Variants in STIM2 observed in about 807,000 individuals in gnomAD.
The protein encoded by STIM2 is stromal interaction molecule 2.
STIM2 carries 31 observed loss-of-function variants against 85.8 expected under a neutral mutation model. The observed-to-expected ratio is 0.36, with a 90% CI of 0.27 to 0.49. The LOEUF is 0.49. Among genes scored for constraint, STIM2 ranks in the 20% least tolerant of loss-of-function variants. The probability of loss-of-function intolerance (pLI) is 0.98; values close to 1 mark genes in which losing one functional copy is unlikely to be tolerated. For missense variants in STIM2, 841 were observed against 927.6 expected (o/e 0.91, Z 1.21); for synonymous variants, 356 against 331.1 (o/e 1.08, Z -0.82).
intron 1 of STIM2, among the ~76,000 whole-genome samples, chr4:26,914,785 G>A (rs114502831): frequency 0.036 from 5,523 of 152,280 alleles, 141 homozygotes; most frequent in South Asian, 0.078. Context: ...TGTTCAAGGG[G>A]AGTGTAAATT....
chr4:27,018,392 A>T (rs1203075410), intron 11 of STIM2, among the ~76,000 whole-genome samples: 1 of 152,014 alleles, frequency 6.6e-6, no homozygotes, highest in Non-Finnish European at 1.5e-5. Flanking sequence ...TTGCCACAGG[A>T]TCTCCCATCT....
intron 10 of STIM2, among the ~76,000 whole-genome samples, chr4:27,017,018 G>T (rs1318683740): frequency 6.6e-6 from 1 of 152,206 alleles, no homozygotes; most frequent in African/African-American, 2.4e-5. Flanking sequence ...TTCAGCTTGA[G>T]AAGGTTGTTA....
intron 2 of STIM2, among the ~76,000 whole-genome samples, chr4:26,921,557 A>G (rs1724797351): frequency 6.6e-6 from 1 of 152,250 alleles, no homozygotes; most frequent in Admixed American, 6.5e-5. Flanking sequence ...TATTTGCAAA[A>G]ACAAGCAGCC....
At chr4:26,906,160 C>T (rs890255551) in intron 1 of STIM2, among the ~76,000 whole-genome samples, 9 of 152,044 alleles carry the variant, frequency 5.9e-5, no homozygotes, top group African/African-American at 2.2e-4. Flanking sequence ...TTACCCTAAG[C>T]GAACTAATAC....
Position 27,008,905 on chromosome 4 carries a change from G to C in STIM2, c.1392G>C (p.Trp464Cys). 6.2e-7 allele frequency: 1 copy of C among 1,614,074 alleles called. No homozygotes were observed. ...CTTCCCTTTATTCTGATCACAGCTG[G>C]GTGGTGATGCCCAGAGTCTCCATTC... The change falls in exon 10 of 12, where the codon TGG becomes TGC. Residue 464 changes from tryptophan to cysteine, a missense_variant. This residue lies in a region of STIM2 where 408 missense variants were observed against 525.4 expected (regional missense o/e 0.78). Transcript: ENST00000467087.
At chr4:26,952,348 G>A (rs1482354311) in intron 2 of STIM2, among the ~76,000 whole-genome samples, 2 of 152,106 alleles carry the variant, frequency 1.3e-5, no homozygotes, top group African/African-American at 2.4e-5. Flanking sequence ...ATCAGCTGGT[G>A]TTTGTAGTAC....
At chr4:26,916,023 T>C (rs141836677) in intron 1 of STIM2, among the ~76,000 whole-genome samples, 1 of 152,336 alleles carries the variant, frequency 6.6e-6, no homozygotes, top group Non-Finnish European at 1.5e-5. Flanking sequence ...GAGAACAATA[T>C]TGGTAGCAGT....
Position 27,008,537 on chromosome 4 carries a change from G to A in STIM2, c.1250+9G>A, listed in dbSNP as rs776340740. The A allele has an allele frequency of 7.7e-6, 12 of 1,559,846 alleles. No individual in the cohort carries two copies. Among genetic ancestry groups the A allele is most frequent in the Non-Finnish European group, 5.2e-6 (6 of 1,148,040 alleles). ...AAAATTCTGGAAGCAAAGTAAGAAT[G>A]TTGTTTTCACTTTTATTTGATTTAT... On this transcript the variant is annotated intron_variant, in intron 9 of 11. Transcript: ENST00000467087.
chr4:27,015,637 G>A (rs1181296484), intron 10 of STIM2, among the ~76,000 whole-genome samples: 1 of 151,882 alleles, frequency 6.6e-6, no homozygotes, highest in South Asian at 2.1e-4. Flanking sequence ...TTTTGAGGTT[G>A]TCATTGTTGC....
intron 1 of STIM2, among the ~76,000 whole-genome samples, chr4:26,867,888 G>C (rs1204744820): frequency 6.6e-6 from 1 of 152,148 alleles, no homozygotes; most frequent in Non-Finnish European, 1.5e-5. Flanking sequence ...TCTTCCTCTA[G>C]TCTAGCTGAA....
rs1729011110 is a variant in STIM2, at chr4:27,024,267, C to T, written c.*1271C>T. On this transcript the variant is annotated 3_prime_UTR_variant, in exon 12 of 12. Transcript: ENST00000467087. ...AGGGTAGCTTTTGTTGTTAAAAAAA[C>T]AGTAGAGAGTTAAGTTCCATATAGC... is the stretch of plus-strand genomic sequence containing the variant. The T allele has an allele frequency of 6.6e-6, 1 of 151,976 alleles. No individual in the cohort carries two copies. The highest frequency in any genetic ancestry group is 2.1e-4 in the South Asian group (1 of 4,816). 9.4% of individuals were successfully genotyped at this position (151,976 alleles called of 1,614,324 possible). A position where few individuals can be genotyped will look rare whatever the true frequency, so the allele number is the denominator to read the frequency against.
In STIM2 at chr4:26,981,953, G is replaced by A. The variant is rs566398549; in HGVS notation, c.398-13426G>A. Among the ~76,000 whole-genome samples the A allele has an allele frequency of 3.5e-3, 488 of 139,958 alleles. 4 individuals carry two copies. The highest frequency in any genetic ancestry group is 0.012 in the African/African-American group (467 of 39,350). 91.8% of individuals were successfully genotyped at this position (139,958 alleles called of 152,430 possible). A position where few individuals can be genotyped will look rare whatever the true frequency, so the allele number is the denominator to read the frequency against. ...ACTATAAAGGTATTTACCCCACACC[G>A]AACAAATGTGTAATTCTTTTTTTTT... On this transcript the variant is annotated intron_variant, in intron 3 of 11. Transcript: ENST00000467087.
At chr4:27,018,388 C>T (rs1326469404) in intron 11 of STIM2, among the ~76,000 whole-genome samples, 1 of 152,202 alleles carries the variant, frequency 6.6e-6, no homozygotes, top group Admixed American at 6.5e-5. Flanking sequence ...TTCCTTGCCA[C>T]AGGATCTCCC....
intron 3 of STIM2, among the ~76,000 whole-genome samples, chr4:26,993,378 T>C (rs1004490229): frequency 1.3e-5 from 2 of 152,150 alleles, no homozygotes. Flanking sequence ...TGTTTCAATA[T>C]AAAACTATCA....
chr4:26,934,818 C>A (rs1167374257), intron 2 of STIM2, among the ~76,000 whole-genome samples: 1 of 146,932 alleles, frequency 6.8e-6, no homozygotes, highest in African/African-American at 2.5e-5. Context: ...GAGGCTGAGG[C>A]AGGAGAATCA....
At chr4:26,932,417 C>T (rs1266796914) in intron 2 of STIM2, among the ~76,000 whole-genome samples, 1 of 152,136 alleles carries the variant, frequency 6.6e-6, no homozygotes, top group Non-Finnish European at 1.5e-5. Flanking sequence ...AATAACACCA[C>T]ACAGATTTTT....
At chr4:26,976,382 CTTTT>C (rs35434321) in intron 3 of STIM2, among the ~76,000 whole-genome samples, 4 of 116,936 alleles carry the variant, frequency 3.4e-5, no homozygotes. Flanking sequence ...TCTTGGGAGT[CTTTT>C]TTTTTTTTTT....
At chr4:27,019,276 AG>A (rs1345795450) in intron 11 of STIM2, 3 of 401,782 alleles carry the variant, frequency 7.5e-6, no homozygotes, top group African/African-American at 6.3e-5. Context: ...ATGATTTGCA[AG>A]TGATCAGTGC....
In STIM2 at chr4:26,919,497, C is replaced by G. The variant is rs545493515; in HGVS notation, c.152-7C>G. 7 of 1,612,864 alleles carry G rather than the reference C, an allele frequency of 4.3e-6. No individual in the cohort carries two copies. In the Admixed American group the frequency reaches 1.2e-4, roughly 27 times the overall value. ...CAAGTTAGTAATTGCCCTTTGTTCT[C>G]TTTCAGATCCCTGCATGTCACTGAG... On this transcript the variant is annotated splice_region_variant and splice_polypyrimidine_tract_variant and intron_variant, in intron 1 of 11. Coordinates refer to ENST00000467087, the MANE Select transcript of STIM2 (RefSeq NM_020860.4).
Sources: gnomAD v4.1 joint callset for allele counts (sites outside exome capture counted in the v4.1 genomes callset) on GRCh38, gnomAD v4.1.1 for gene constraint, gnomAD v4.1.1 regional missense constraint, MANE v1.5 for transcripts, NCBI Gene and HGNC (gene_info 2026-07-23, HGNC 2026-07-21) for gene names.